The following ARB2A variants were observed in gnomAD, a reference collection of about 807,000 sequenced individuals.
The protein encoded by ARB2A is cotranscriptional regulator ARB2A.
the ARB2A span, among the ~76,000 whole-genome samples, chr5:93,640,939 C>T: frequency 1.3e-5 from 2 of 151,928 alleles, no homozygotes; most frequent in South Asian, 2.1e-4. Context: ...TGGTGGTTCA[C>T]GCCTGTAATC....
chr5:94,056,144 T>C, the ARB2A span, among the ~76,000 whole-genome samples: 2 of 152,200 alleles, frequency 1.3e-5, no homozygotes, highest in Admixed American at 1.3e-4. Context: ...CTTTCAAAAA[T>C]CACCATACTG....
the ARB2A span, among the ~76,000 whole-genome samples, chr5:93,901,913 TACTC>T: frequency 1.3e-5 from 2 of 152,202 alleles, no homozygotes; most frequent in East Asian, 3.9e-4. Flanking sequence ...AGTTAAATGA[TACTC>T]AGGATAACAA....
chr5:93,812,357 A>G, the ARB2A span, among the ~76,000 whole-genome samples: 1 of 152,226 alleles, frequency 6.6e-6, no homozygotes, highest in East Asian at 1.9e-4. Context: ...ATCTCACATT[A>G]TTTTATTTTC....
At chr5:94,101,420 T>G in the ARB2A span, among the ~76,000 whole-genome samples, 1 of 152,182 alleles carries the variant, frequency 6.6e-6, no homozygotes, top group African/African-American at 2.4e-5. Flanking sequence ...GGGCTACCAT[T>G]TGACGCTGCA....
the ARB2A span, chr5:93,620,681 C>T: frequency 3.9e-6 from 1 of 256,460 alleles, no homozygotes; most frequent in Non-Finnish European, 7.4e-6. Context: ...CGCGCGGTCT[C>T]CTTCAGGGCA....
the ARB2A span, among the ~76,000 whole-genome samples, chr5:94,081,417 T>C: frequency 1.3e-5 from 2 of 152,210 alleles, no homozygotes; most frequent in South Asian, 2.1e-4. Context: ...TTATTCATAA[T>C]TGCCAACAAG....
chr5:93,902,654 G>C, the ARB2A span, among the ~76,000 whole-genome samples: 1 of 152,138 alleles, frequency 6.6e-6, no homozygotes, highest in Non-Finnish European at 1.5e-5. Flanking sequence ...AGCATCGGGA[G>C]AGTAGCAGAT....
chr5:93,781,977 AG>A, the ARB2A span: 1 of 961,006 alleles, frequency 1.0e-6, no homozygotes, highest in East Asian at 1.2e-4. Context: ...GAAAGGAGAA[AG>A]AAAAGGGGAG....
the ARB2A span, among the ~76,000 whole-genome samples, chr5:93,821,627 T>A: frequency 1.3e-5 from 2 of 151,650 alleles, no homozygotes; most frequent in Non-Finnish European, 2.9e-5. Context: ...CTGAATAACA[T>A]TTTTTTTCAG....
At chr5:93,859,622 G>T in the ARB2A span, among the ~76,000 whole-genome samples, 43 of 152,094 alleles carry the variant, frequency 2.8e-4, no homozygotes, top group Non-Finnish European at 5.4e-4. Flanking sequence ...AGTAAAAAAA[G>T]ATTTTTTCAA....
chr5:94,039,772 G>C, the ARB2A span, among the ~76,000 whole-genome samples: 1 of 152,086 alleles, frequency 6.6e-6, no homozygotes, highest in Non-Finnish European at 1.5e-5. Context: ...AGGGACTATA[G>C]TGCAGAAACT....
chr5:94,024,138 T>C, the ARB2A span, among the ~76,000 whole-genome samples: 1 of 152,162 alleles, frequency 6.6e-6, no homozygotes, highest in African/African-American at 2.4e-5. Context: ...ATGGGCCACA[T>C]TGTACAGATA....
At chr5:93,813,745 G>C in the ARB2A span, among the ~76,000 whole-genome samples, 1 of 152,252 alleles carries the variant, frequency 6.6e-6, no homozygotes, top group African/African-American at 2.4e-5. Context: ...CCTGAACTGT[G>C]AGAACAAATG....
the ARB2A span, among the ~76,000 whole-genome samples, chr5:93,980,601 C>A: frequency 1.3e-5 from 2 of 152,064 alleles, no homozygotes; most frequent in Admixed American, 6.5e-5. Context: ...CTGTTATAAG[C>A]TCTTTTTCAT....
At chr5:93,662,429 T>C in the ARB2A span, among the ~76,000 whole-genome samples, 111 of 152,294 alleles carry the variant, frequency 7.3e-4, no homozygotes, top group African/African-American at 2.4e-3. Flanking sequence ...GTGTCTTTAA[T>C]TGTCATAATT....
chr5:93,683,285 G>C, the ARB2A span: 1 of 1,602,142 alleles, frequency 6.2e-7, no homozygotes, highest in Non-Finnish European at 8.5e-7. Context: ...ACCACCTCCA[G>C]GGGCAGACCG....
chr5:93,874,286 G>GA, the ARB2A span, among the ~76,000 whole-genome samples: 4 of 152,068 alleles, frequency 2.6e-5, no homozygotes, highest in South Asian at 2.1e-4. Context: ...ACAATCCCCT[G>GA]AAAAAAATCC....
chr5:93,827,357 C>G, the ARB2A span, among the ~76,000 whole-genome samples: 9 of 152,184 alleles, frequency 5.9e-5, no homozygotes, highest in African/African-American at 1.9e-4. Flanking sequence ...TGATGATGAG[C>G]ATTTTTTCAT....
chr5:94,082,579 T>C, the ARB2A span, among the ~76,000 whole-genome samples: 3 of 152,124 alleles, frequency 2.0e-5, no homozygotes, highest in African/African-American at 7.2e-5. Context: ...ACCACTCAAA[T>C]CCAGTATCTA....
Sources: allele counts gnomAD v4.1 joint callset (sites outside exome capture counted in the v4.1 genomes callset), GRCh38; gene constraint gnomAD v4.1.1; transcripts MANE v1.5; gene names NCBI Gene and HGNC (gene_info 2026-07-23, HGNC 2026-07-21).